EYA4: variants seen among roughly 807,000 people sequenced by gnomAD.
EYA4 encodes protein phosphatase EYA4.
EYA4 carries 31 observed loss-of-function variants against 87.9 expected under a neutral mutation model. The ratio of observed to expected loss-of-function variants is 0.35; its 90% CI spans 0.27 to 0.48. The LOEUF (loss-of-function observed/expected upper bound fraction) is 0.48, where lower values mean the gene tolerates loss of function less well. Among genes scored for constraint, EYA4 ranks in the 20% least tolerant of loss-of-function variants. The probability of loss-of-function intolerance (pLI) is 0.99; values close to 1 mark genes in which losing one functional copy is unlikely to be tolerated. For synonymous variants in EYA4, 263 were observed against 270.6 expected, an observed-to-expected ratio of 0.97 and a Z score of 0.28; for missense variants, 678 against 761.4, an observed-to-expected ratio of 0.89 and a Z score of 1.29.
In EYA4 at chr6:133,408,204, T is replaced by TC. The variant is rs915431738; in HGVS notation, c.83+25765dup. Among the ~76,000 whole-genome samples the TC allele has an allele frequency of 9.6e-4, 146 of 152,300 alleles. 1 individual carries two copies. The highest frequency in any genetic ancestry group is 3.4e-3 in the African/African-American group (142 of 41,578). On this transcript the variant is annotated intron_variant, in intron 3 of 19. Transcript: ENST00000355286. Reference sequence around the variant, plus strand: ...TGCATGGTGAACAGACCGTCCTTCCTCCATCTTTTGTTGGGGAATACCTGG... The same window carrying TC: ...TGCATGGTGAACAGACCGTCCTTCCTCCCATCTTTTGTTGGGGAATACCTGG...
chr6:133,462,622 T>C lies in EYA4; in HGVS notation c.582T>C (p.Asp194=). Residue 194 remains aspartate (D), a splice_region_variant and synonymous_variant, in exon 9 of 20, where the codon GAT becomes GAC. Transcript: ENST00000355286. ...TGQPYSLPTY[D]LGVMLPAIKT... ...TTACACATTCAATTTTCTGAACAGA[T>C]TTGGGTGTGATGTTGCCAGCCATCA... is the stretch of plus-strand genomic sequence containing the variant. 1 of 1,614,038 alleles carries C rather than the reference T, an allele frequency of 6.2e-7. No individual in the cohort carries two copies. The highest frequency in any genetic ancestry group is 8.5e-7 in the Non-Finnish European group (1 of 1,179,928).
Position 133,299,124 on chromosome 6 carries a change from C to T in EYA4, c.33+24311C>T, listed in dbSNP as rs544847971. On this transcript the variant is annotated intron_variant, in intron 2 of 19. Transcript: ENST00000355286. ...AAATCTGGCAGTCTGCTGAACAGGG[C>T]GGAATTTTAGATTGAAGACCCTAGA... Among the ~76,000 whole-genome samples, 12 of 152,076 alleles carry T rather than the reference C, an allele frequency of 7.9e-5. No homozygotes were observed. The East Asian group carries it at 1.7e-3, about 22-fold the overall frequency.
At chr6:133,280,349 C>A (rs1480533117) in intron 2 of EYA4, among the ~76,000 whole-genome samples, 1 of 152,210 alleles carries the variant, frequency 6.6e-6, no homozygotes, top group African/African-American at 2.4e-5. Context: ...TTTAATGTTT[C>A]ATAATCATTA....
At chr6:133,472,924 T>C (rs903931540) in intron 11 of EYA4, among the ~76,000 whole-genome samples, 3 of 151,460 alleles carry the variant, frequency 2.0e-5, no homozygotes, top group African/African-American at 7.3e-5. Context: ...AACCCCTGCC[T>C]TTTTTTGTTT....
chr6:133,257,024 A>G (rs1775392776), intron 1 of EYA4, among the ~76,000 whole-genome samples: 1 of 152,126 alleles, frequency 6.6e-6, no homozygotes. Context: ...AAAACTGAAA[A>G]TTATATTACT....
chr6:133,516,621 G>T (rs890394903), intron 17 of EYA4, among the ~76,000 whole-genome samples: 1 of 151,654 alleles, frequency 6.6e-6, no homozygotes, highest in Non-Finnish European at 1.5e-5. Context: ...CTACTCGGGA[G>T]GCTGAGGCAG....
chr6:133,427,236 G>A (rs1273403848), intron 3 of EYA4, among the ~76,000 whole-genome samples: 1 of 152,184 alleles, frequency 6.6e-6, no homozygotes, highest in African/African-American at 2.4e-5. Context: ...AATTTCTTGA[G>A]TGGAATTACA....
intron 3 of EYA4, among the ~76,000 whole-genome samples, chr6:133,406,904 A>G (rs1419193821): frequency 6.6e-6 from 1 of 152,214 alleles, no homozygotes; most frequent in Non-Finnish European, 1.5e-5. Flanking sequence ...AAAGTTACTT[A>G]TAGAGAAAGC....
intron 2 of EYA4, among the ~76,000 whole-genome samples, chr6:133,296,112 A>G (rs1285435168): frequency 6.6e-6 from 1 of 152,186 alleles, no homozygotes; most frequent in African/African-American, 2.4e-5. Flanking sequence ...AGCTTATGGG[A>G]ATACATGAGG....
intron 2 of EYA4, among the ~76,000 whole-genome samples, chr6:133,370,069 G>A (rs1211809369): frequency 2.6e-5 from 4 of 152,160 alleles, no homozygotes; most frequent in Non-Finnish European, 2.9e-5. Flanking sequence ...CCTGGAGCCC[G>A]AAGGTTCACG....
chr6:133,419,126 C>T (rs971382727), intron 3 of EYA4, among the ~76,000 whole-genome samples: 1 of 152,086 alleles, frequency 6.6e-6, no homozygotes, highest in Non-Finnish European at 1.5e-5. Flanking sequence ...TAGGTATAGG[C>T]CCTGCACGGC....
intron 2 of EYA4, among the ~76,000 whole-genome samples, chr6:133,322,010 CTT>C (rs1286248987): frequency 2.0e-5 from 3 of 152,148 alleles, no homozygotes; most frequent in African/African-American, 7.2e-5. Context: ...AGCCCTATGA[CTT>C]TGTATATTTT....
intron 2 of EYA4, among the ~76,000 whole-genome samples, chr6:133,346,771 T>C (rs73559612): frequency 0.11 from 17,040 of 152,232 alleles, 1,006 homozygotes; most frequent in East Asian, 0.16. Context: ...GAGGATTTCA[T>C]GTCCTGTTGC....
chr6:133,447,995 A>G lies in EYA4; in HGVS notation c.209-116A>G, dbSNP rs116178409. 4.0e-3 allele frequency: 2,968 copies of G among 749,546 alleles called. 46 individuals carry two copies. The highest frequency in any genetic ancestry group is 0.037 in the African/African-American group (2,189 of 58,404). 46.4% of individuals were successfully genotyped at this position (749,546 alleles called of 1,614,324 possible). ...TGATAAACTAAAATGTTGAAGTCAT[A>G]CAGTGCAGTTATAATTTTGGCTAAA... On this transcript the variant is annotated intron_variant, in intron 4 of 19. Transcript: ENST00000355286.
chr6:133,439,902 G>A (rs983146995), intron 3 of EYA4, among the ~76,000 whole-genome samples: 1 of 152,134 alleles, frequency 6.6e-6, no homozygotes, highest in African/African-American at 2.4e-5. Flanking sequence ...TATTCCAAGG[G>A]CTTAAAGGTT....
At chr6:133,312,318 A>G (rs563360112) in intron 2 of EYA4, among the ~76,000 whole-genome samples, 2 of 151,842 alleles carry the variant, frequency 1.3e-5, no homozygotes, top group South Asian at 2.1e-4. Context: ...ATCTTGGCAA[A>G]CATTAACATT....
At chr6:133,388,322 G>A (rs1488150832) in intron 3 of EYA4, among the ~76,000 whole-genome samples, 1 of 151,314 alleles carries the variant, frequency 6.6e-6, no homozygotes, top group Non-Finnish European at 1.5e-5. Flanking sequence ...CACGAGAATC[G>A]CTTGAACCTG....
intron 1 of EYA4, among the ~76,000 whole-genome samples, chr6:133,246,093 A>C (rs1486811741): frequency 6.6e-6 from 1 of 152,220 alleles, no homozygotes; most frequent in African/African-American, 2.4e-5. Flanking sequence ...ACATTTATAT[A>C]GTGATTTGAG....
chr6:133,436,716 A>T (rs1474065352), intron 3 of EYA4, among the ~76,000 whole-genome samples: 1 of 152,186 alleles, frequency 6.6e-6, no homozygotes, highest in Non-Finnish European at 1.5e-5. Context: ...GACTCTTGAG[A>T]ATGTGGGAAA....
Sources: gnomAD v4.1 joint callset for allele counts (sites outside exome capture counted in the v4.1 genomes callset) on GRCh38, gnomAD v4.1.1 for gene constraint, MANE v1.5 for transcripts, NCBI Gene and HGNC (gene_info 2026-07-23, HGNC 2026-07-21) for gene names.